The following MTRF1 variants were observed in gnomAD, a reference collection of about 807,000 sequenced individuals.
MTRF1 encodes peptide chain release factor 1, mitochondrial.
MTRF1 carries 51 observed loss-of-function variants against 62.9 expected under a neutral mutation model. The ratio of observed to expected loss-of-function variants is 0.81; its 90% CI spans 0.65 to 1.02. The LOEUF is 1.02. Among genes scored for constraint, MTRF1 ranks in the 50% least tolerant of loss-of-function variants. The pLI, the probability that MTRF1 is intolerant of heterozygous loss-of-function variation, is 0.00. For missense variants in MTRF1, 446 were observed against 530.0 expected, an observed-to-expected ratio of 0.84 and a Z score of 1.56; for synonymous variants, 158 against 181.9, an observed-to-expected ratio of 0.87 and a Z score of 1.06.
At chr13:41,283,585 C>CTTTTT in the MTRF1 span, among the ~76,000 whole-genome samples, 14,601 of 83,524 alleles carry the variant, frequency 0.17, 3,792 homozygotes, top group Non-Finnish European at 0.22. Flanking sequence ...CTCTGACAAT[C>CTTTTT]TTTTTTTTTT....
chr13:41,281,379 G>T, the MTRF1 span, among the ~76,000 whole-genome samples: 3 of 145,876 alleles, frequency 2.1e-5, no homozygotes, highest in African/African-American at 5.0e-5. Context: ...GTTAGTTTTT[G>T]TTTTTTTTTT....
the MTRF1 span, among the ~76,000 whole-genome samples, chr13:41,290,222 C>T: frequency 4.0e-5 from 6 of 150,642 alleles, no homozygotes; most frequent in African/African-American, 9.8e-5. Context: ...CTCAGCCTCC[C>T]GAGTAGGTGG....
chr13:41,311,365 T>C, the MTRF1 span: 1,432 of 642,222 alleles, frequency 2.2e-3, 20 homozygotes, highest in African/African-American at 0.024. Flanking sequence ...TTGCCACCCG[T>C]GCCGAACAGC....
chr13:41,288,144 A>C, the MTRF1 span: 3 of 510,188 alleles, frequency 5.9e-6, no homozygotes, highest in Non-Finnish European at 1.2e-5. Flanking sequence ...TCTTGTCCAG[A>C]TGTATCCCAT....
At chr13:41,240,511 G>A in intron 5 of MTRF1, 78 bp from the exon 6 acceptor site, 1 of 1,386,842 alleles carries the variant, frequency 7.2e-7, no homozygotes, top group Non-Finnish European at 9.7e-7. Flanking sequence ...CTTAATCTAA[G>A]GCCTGAATGT....
At chr13:41,229,437 T>C (rs1243807248) in intron 7 of MTRF1, 1 of 152,190 alleles carries the variant, frequency 6.6e-6, no homozygotes, top group Non-Finnish European at 1.5e-5. Context: ...GACTAATTCC[T>C]CCTATCCAGC....
chr13:41,243,521 C>T (rs1223087692), intron 5 of MTRF1, among the ~76,000 whole-genome samples: 6 of 151,918 alleles, frequency 3.9e-5, no homozygotes, highest in African/African-American at 1.5e-4. Flanking sequence ...CCCTGTGGGA[C>T]TCTGGGCTCA....
chr13:41,273,271 A>T, the MTRF1 span, among the ~76,000 whole-genome samples: 4 of 151,568 alleles, frequency 2.6e-5, no homozygotes, highest in Non-Finnish European at 4.4e-5. Flanking sequence ...GGTTGCAGTG[A>T]GCCGAGATCG....
chr13:41,268,035 G>A (rs987305511), upstream of MTRF1, among the ~76,000 whole-genome samples: 16 of 152,092 alleles, frequency 1.1e-4, no homozygotes, highest in Admixed American at 3.9e-4. Flanking sequence ...CTGAAATTCA[G>A]GCTCTGAAAA....
the MTRF1 span, among the ~76,000 whole-genome samples, chr13:41,277,154 G>A: frequency 6.6e-6 from 1 of 150,498 alleles, no homozygotes; most frequent in Non-Finnish European, 1.5e-5. Context: ...TTGAGACAGG[G>A]TCTCCTTCTA....
At chr13:41,225,104 C>T (rs979619804) in intron 8 of MTRF1, among the ~76,000 whole-genome samples, 2 of 149,452 alleles carry the variant, frequency 1.3e-5, no homozygotes, top group African/African-American at 2.5e-5. Context: ...CCCAGCCACT[C>T]GGGAAGCTGA....
chr13:41,269,489 C>T, the MTRF1 span, among the ~76,000 whole-genome samples: 1 of 152,022 alleles, frequency 6.6e-6, no homozygotes, highest in Non-Finnish European at 1.5e-5. Context: ...TGAGCAACCA[C>T]GCCCAGCCCT....
chr13:41,236,161 T>A (rs2036538306), intron 6 of MTRF1: 1 of 152,056 alleles, frequency 6.6e-6, no homozygotes, highest in African/African-American at 2.4e-5. Context: ...TTGCTCAGGC[T>A]GGAGTGCAGT....
At chr13:41,223,480 G>A in intron 8 of MTRF1, 126 bp from the exon 9 acceptor site, 2 of 706,864 alleles carry the variant, frequency 2.8e-6, no homozygotes, top group Admixed American at 5.1e-5. Flanking sequence ...TATACAAAAT[G>A]ACAAAGAAAA....
chr13:41,237,592 G>C (rs1400680728), intron 6 of MTRF1, among the ~76,000 whole-genome samples: 3 of 152,092 alleles, frequency 2.0e-5, no homozygotes, highest in Non-Finnish European at 4.4e-5. Flanking sequence ...CGCCTCATGG[G>C]CTCAAGCAAT....
intron 6 of MTRF1, among the ~76,000 whole-genome samples, chr13:41,237,519 CAG>C (rs2036856131): frequency 6.6e-6 from 1 of 151,296 alleles, no homozygotes; most frequent in Non-Finnish European, 1.5e-5. Flanking sequence ...TTTTTTGAAA[CAG>C]AGTCTCACTC....
At chr13:41,241,522 T>C (rs1194294177) in intron 5 of MTRF1, among the ~76,000 whole-genome samples, 1 of 152,200 alleles carries the variant, frequency 6.6e-6, no homozygotes, top group Admixed American at 6.5e-5. Flanking sequence ...TAATCCTCTC[T>C]CTTCCCTATG....
At chr13:41,289,449 G>A in the MTRF1 span, among the ~76,000 whole-genome samples, 364 of 152,198 alleles carry the variant, frequency 2.4e-3, 4 homozygotes, top group African/African-American at 7.9e-3. Context: ...TATTGGCCAG[G>A]CTGGTCTCGA....
chr13:41,292,016 G>C, the MTRF1 span, among the ~76,000 whole-genome samples: 2 of 152,082 alleles, frequency 1.3e-5, no homozygotes, highest in Non-Finnish European at 2.9e-5. Context: ...ATAATATAAG[G>C]AATCTCTGTT....
Sources: gnomAD v4.1 joint callset for allele counts (sites outside exome capture counted in the v4.1 genomes callset) on GRCh38, gnomAD v4.1.1 for gene constraint, MANE v1.5 for transcripts, NCBI Gene and HGNC (gene_info 2026-07-23, HGNC 2026-07-21) for gene names.